The following GRIP1 variants were observed in gnomAD, a reference collection of about 807,000 sequenced individuals.
The protein encoded by GRIP1 is glutamate receptor interacting protein 1, also known as glutamate receptor-interacting protein 1.
Under a neutral mutation model 129.9 loss-of-function variants are expected in GRIP1, and 45 were observed. The observed-to-expected ratio is 0.35, with a 90% CI of 0.27 to 0.44. The LOEUF (loss-of-function observed/expected upper bound fraction) is 0.44. Among genes scored for constraint, GRIP1 ranks in the 20% least tolerant of loss-of-function variants. The pLI is 1.00. For synonymous variants in GRIP1, 530 were observed against 520.8 expected, an observed-to-expected ratio of 1.02 and a Z score of -0.24; for missense variants, 1,196 against 1,396.8, an observed-to-expected ratio of 0.86 and a Z score of 2.29.
chr12:66,432,659 T>C (rs1010793319), intron 13 of GRIP1, 31 bp from the exon 14 acceptor site: 1 of 1,234,204 alleles, frequency 8.1e-7, no homozygotes, highest in Non-Finnish European at 1.2e-6. Context: ...AATGTGTTAA[T>C]AGAACACTGA....
intron 1 of GRIP1, among the ~76,000 whole-genome samples, chr12:66,960,357 A>T (rs1413590253): frequency 1.3e-5 from 2 of 152,194 alleles, no homozygotes; most frequent in East Asian, 3.9e-4. Flanking sequence ...ATGCAAAACC[A>T]ACAGCACTTA....
At chr12:66,807,979 T>C (rs2039029127), upstream of GRIP1, among the ~76,000 whole-genome samples, 1 of 151,606 alleles carries the variant, frequency 6.6e-6, no homozygotes, top group East Asian at 2.0e-4. Context: ...CAATTCTTGG[T>C]TGTATTATAA....
At chr12:66,351,555 G>GTTTTTTTTTTT (rs1565655525) in intron 24 of GRIP1, among the ~76,000 whole-genome samples, 12 of 143,540 alleles carry the variant, frequency 8.4e-5, no homozygotes, top group African/African-American at 2.9e-4. Context: ...ACAGGAAGGT[G>GTTTTTTTTTTT]GTTTTTTTTT....
At chr12:66,472,680 C>G (rs1021155765) in intron 7 of GRIP1, among the ~76,000 whole-genome samples, 1 of 152,126 alleles carries the variant, frequency 6.6e-6, no homozygotes, top group Non-Finnish European at 1.5e-5. Flanking sequence ...AAGGGCAAGC[C>G]GAAGCAGGGT....
chr12:66,610,785 G>A (rs1180275717), intron 1 of GRIP1, among the ~76,000 whole-genome samples: 11 of 152,104 alleles, frequency 7.2e-5, no homozygotes, highest in Non-Finnish European at 1.6e-4. Flanking sequence ...TATCTCAGGG[G>A]TCAAAAGTGA....
At position 66,563,035 on chromosome 12, in the gene GRIP1, A is replaced by G. The variant is rs192126617; in HGVS notation, c.137-21085T>C. Among the ~76,000 whole-genome samples the G allele has an allele frequency of 1.0e-3, 155 of 151,712 alleles. 1 individual carries two copies. The highest frequency in any genetic ancestry group is 3.5e-3 in the African/African-American group (145 of 41,360). ...AAGGAAGAGGAGGGTTGGACTTGCT[A>G]TCTCGGGGGTGGCAGAGGTGGTAGA... On this transcript the variant is annotated intron_variant, in intron 2 of 24. Coordinates refer to ENST00000359742, the MANE Select transcript of GRIP1 (RefSeq NM_001366722.1).
At chr12:66,633,916 CAA>C (rs1175057046) in intron 1 of GRIP1, among the ~76,000 whole-genome samples, 3 of 152,152 alleles carry the variant, frequency 2.0e-5, no homozygotes, top group African/African-American at 7.2e-5. Context: ...GCTTCAAGTT[CAA>C]AAGAGTCAGA....
At chr12:66,805,965 TTC>T (rs1384315556), upstream of GRIP1, among the ~76,000 whole-genome samples, 1 of 124,928 alleles carries the variant, frequency 8.0e-6, no homozygotes, top group Non-Finnish European at 1.9e-5. Flanking sequence ...GTCCTTAGGT[TTC>T]TTTTTTTTTT....
chr12:67,036,341 T>A (rs1240346806), intron 1 of GRIP1, among the ~76,000 whole-genome samples: 1 of 151,966 alleles, frequency 6.6e-6, no homozygotes, highest in African/African-American at 2.4e-5. Flanking sequence ...GATGTCTTTT[T>A]TTTTTTTTAG....
intron 1 of GRIP1, among the ~76,000 whole-genome samples, chr12:66,730,588 A>C (rs747122997): frequency 6.6e-6 from 1 of 151,972 alleles, no homozygotes; most frequent in Non-Finnish European, 1.5e-5. Flanking sequence ...TCTTAAAGGT[A>C]AGTTACCCAC....
chr12:66,422,427 C>A (rs145053557), intron 14 of GRIP1, among the ~76,000 whole-genome samples: 89 of 152,288 alleles, frequency 5.8e-4, no homozygotes, highest in African/African-American at 2.0e-3. Context: ...CATCATATTT[C>A]AAAACTGCAA....
chr12:66,832,186 T>C (rs1397586202), intron 1 of GRIP1, among the ~76,000 whole-genome samples: 1 of 152,236 alleles, frequency 6.6e-6, no homozygotes, highest in Non-Finnish European at 1.5e-5. Flanking sequence ...CCTCAAGTTG[T>C]AGCCTGGTCC....
chr12:66,655,888 C>T lies in GRIP1; in HGVS notation c.55+22962G>A, dbSNP rs976707469. Among the ~76,000 whole-genome samples the T allele has an allele frequency of 9.2e-5, 14 of 152,106 alleles. 1 individual carries two copies. Among genetic ancestry groups the T allele is most frequent in the South Asian group, 4.2e-4 (2 of 4,806 alleles). On this transcript the variant is annotated intron_variant, in intron 1 of 24. Coordinates refer to ENST00000359742, the MANE Select transcript of GRIP1 (RefSeq NM_001366722.1). ...TGCTGGGATTACAGGTGTGAGCCAC[C>T]GCACCTGGCCTTCTGTACTTTTATG...
intron 1 of GRIP1, among the ~76,000 whole-genome samples, chr12:66,848,139 T>C (rs2039850775): frequency 6.6e-6 from 1 of 152,160 alleles, no homozygotes; most frequent in East Asian, 1.9e-4. Flanking sequence ...AAAGCCAAGT[T>C]GAAATTTGTA....
At chr12:66,740,394 C>G (rs2127535) in intron 1 of GRIP1, among the ~76,000 whole-genome samples, 7,456 of 152,220 alleles carry the variant, frequency 0.049, 336 homozygotes, top group East Asian at 0.13. Flanking sequence ...CATCAGTGTA[C>G]AGTTCTTGAC....
At chr12:66,846,177 A>C (rs1255202490) in intron 1 of GRIP1, among the ~76,000 whole-genome samples, 1 of 152,180 alleles carries the variant, frequency 6.6e-6, no homozygotes, top group East Asian at 1.9e-4. Context: ...AGATTTTTAA[A>C]AGTCTACTCT....
chr12:66,412,485 C>G (rs940107999), intron 15 of GRIP1, among the ~76,000 whole-genome samples: 1 of 152,112 alleles, frequency 6.6e-6, no homozygotes, highest in Non-Finnish European at 1.5e-5. Flanking sequence ...AAAAGAAGAG[C>G]TAAATATGGA....
intron 1 of GRIP1, among the ~76,000 whole-genome samples, chr12:66,744,956 C>A (rs1385352271): frequency 6.6e-6 from 1 of 152,174 alleles, no homozygotes; most frequent in Non-Finnish European, 1.5e-5. Flanking sequence ...TTTTAACAAT[C>A]ATTCTGGTCC....
chr12:67,066,520 G>A (rs891158387), intron 1 of GRIP1, among the ~76,000 whole-genome samples: 10 of 152,142 alleles, frequency 6.6e-5, no homozygotes, highest in South Asian at 2.1e-4. Flanking sequence ...TGTGGAAAGC[G>A]CAGTGGTTTA....
Sources: allele counts gnomAD v4.1 joint callset (sites outside exome capture counted in the v4.1 genomes callset), GRCh38; gene constraint gnomAD v4.1.1; transcripts MANE v1.5; gene names NCBI Gene and HGNC (gene_info 2026-07-23, HGNC 2026-07-21).